Variants in RBFOX1 observed in about 807,000 individuals in gnomAD.
RBFOX1 encodes RNA binding fox-1 homolog 1, also known as RNA binding protein fox-1 homolog 1.
RBFOX1 carries 8 observed loss-of-function variants against 57.7 expected under a neutral mutation model. That is an observed-to-expected ratio of 0.14 (90% CI 0.08 to 0.25). The LOEUF (loss-of-function observed/expected upper bound fraction) is 0.25, where lower values mean the gene tolerates loss of function less well. Ranked by LOEUF, RBFOX1 falls within the 10% of genes least tolerant of loss-of-function variation. The probability of loss-of-function intolerance (pLI) is 1.00; values close to 1 mark genes in which losing one functional copy is unlikely to be tolerated. For synonymous variants in RBFOX1, 326 were observed against 222.4 expected, an observed-to-expected ratio of 1.47 and a Z score of -4.15; for missense variants, 611 against 548.5, an observed-to-expected ratio of 1.11 and a Z score of -1.14.
chr16:5,313,881 T>G (rs911108451), intron 1 of RBFOX1, among the ~76,000 whole-genome samples: 1 of 146,258 alleles, frequency 6.8e-6, no homozygotes, highest in Non-Finnish European at 1.5e-5. Flanking sequence ...GACTTATGGG[T>G]GGGCTTTGGA....
chr16:7,174,817 G>A (rs1381421782), intron 4 of RBFOX1, among the ~76,000 whole-genome samples: 1 of 152,094 alleles, frequency 6.6e-6, no homozygotes, highest in Non-Finnish European at 1.5e-5. Context: ...AACCATTAAA[G>A]TATTTTTCCA....
intron 1 of RBFOX1, among the ~76,000 whole-genome samples, chr16:6,065,582 A>C (rs1384790810): frequency 6.6e-6 from 1 of 152,160 alleles, no homozygotes; most frequent in Non-Finnish European, 1.5e-5. Flanking sequence ...GGGGTTTCTT[A>C]GCAGATACAG....
At chr16:5,567,087 C>T (rs557167263) in intron 2 of RBFOX1, among the ~76,000 whole-genome samples, 1 of 152,254 alleles carries the variant, frequency 6.6e-6, no homozygotes, top group South Asian at 2.1e-4. Flanking sequence ...GGAAATGCCA[C>T]ACAAAGACCC....
In RBFOX1 at chr16:7,517,139, G is replaced by A. The variant is rs186655821; in HGVS notation, c.28-1008G>A. Among the ~76,000 whole-genome samples the A allele has an allele frequency of 0.019, 17 of 890 alleles. No individual in the cohort carries two copies. The East Asian group carries it at 0.21, about 11-fold the overall frequency. The allele number at this position is 890 out of a possible 152,430, so 0.6% of individuals were successfully genotyped here. A position where few individuals can be genotyped will look rare whatever the true frequency, so the allele number is the denominator to read the frequency against. On this transcript the variant is annotated intron_variant, in intron 4 of 15. Coordinates refer to ENST00000550418, the MANE Select transcript of RBFOX1 (RefSeq NM_018723.4). ...CCTTTGGGTTACAATTTCTTATGCC[G>A]TGTGTGTGTGTGTGTGTGTGTGTGT...
chr16:6,364,329 C>T (rs2089181970), intron 2 of RBFOX1, among the ~76,000 whole-genome samples: 1 of 152,210 alleles, frequency 6.6e-6, no homozygotes, highest in African/African-American at 2.4e-5. Context: ...CATTTTCCCT[C>T]TCTTCTTCCC....
intron 4 of RBFOX1, chr16:7,328,701 T>C (rs1338038189): frequency 6.6e-6 from 1 of 151,644 alleles, no homozygotes; most frequent in Non-Finnish European, 1.5e-5. Flanking sequence ...GCAAAATCCT[T>C]GATGGAAATC....
intron 1 of RBFOX1, among the ~76,000 whole-genome samples, chr16:6,182,893 G>T (rs575862089): frequency 1.3e-5 from 2 of 152,244 alleles, no homozygotes; most frequent in East Asian, 3.9e-4. Context: ...ACCTGTTAAT[G>T]TACTTTTATC....
At chr16:6,673,255 C>G (rs1366941748) in intron 3 of RBFOX1, among the ~76,000 whole-genome samples, 1 of 152,100 alleles carries the variant, frequency 6.6e-6, no homozygotes, top group Non-Finnish European at 1.5e-5. Flanking sequence ...CCAAAGGTCC[C>G]TCATATCCCT....
intron 2 of RBFOX1, among the ~76,000 whole-genome samples, chr16:6,388,073 G>T (rs563616439): frequency 7.0e-6 from 1 of 143,460 alleles, no homozygotes; most frequent in Non-Finnish European, 1.5e-5. Flanking sequence ...TCTGCCTCTC[G>T]GGTTCAAGCG....
rs563601328 is a variant in RBFOX1 at position 6,705,264 on chromosome 16, A to G, written c.-16+50614A>G. On this transcript the variant is annotated intron_variant, in intron 3 of 15. Transcript: ENST00000550418. ...ACTGCAACTCCAGTGAGGTTACTCAAAACATACTGGGCAAAGGTTTCTCAC... is the reference window on the plus strand; with the variant it reads ...ACTGCAACTCCAGTGAGGTTACTCAGAACATACTGGGCAAAGGTTTCTCAC... 3.3e-5 allele frequency: 5 copies of G among 152,330 alleles called. No individual in the cohort carries two copies. In the South Asian group the frequency reaches 1.0e-3, roughly 32 times the overall value. The allele number at this position is 152,330 out of a possible 1,614,324, so 9.4% of individuals were successfully genotyped here.
At chr16:6,751,925 C>T (rs1237161184) in intron 3 of RBFOX1, among the ~76,000 whole-genome samples, 1 of 152,094 alleles carries the variant, frequency 6.6e-6, no homozygotes, top group Non-Finnish European at 1.5e-5. Flanking sequence ...CAGCGTGAGT[C>T]CAGGCTTTAA....
intron 9 of RBFOX1, among the ~76,000 whole-genome samples, chr16:7,601,783 C>A (rs1249438312): frequency 6.6e-6 from 1 of 152,156 alleles, no homozygotes; most frequent in East Asian, 1.9e-4. Context: ...GTGAGGCATT[C>A]TCAACTTAAA....
chr16:5,541,624 T>C (rs941377712), intron 2 of RBFOX1, among the ~76,000 whole-genome samples: 84 of 152,256 alleles, frequency 5.5e-4, no homozygotes, highest in African/African-American at 1.8e-3. Context: ...AGAGTTTGAA[T>C]AGAATGGGAG....
At chr16:7,007,626 A>C (rs1053329587) in intron 3 of RBFOX1, among the ~76,000 whole-genome samples, 1 of 152,178 alleles carries the variant, frequency 6.6e-6, no homozygotes, top group African/African-American at 2.4e-5. Flanking sequence ...CATTCTTTCA[A>C]TGTAAATGTA....
intron 1 of RBFOX1, among the ~76,000 whole-genome samples, chr16:5,363,530 C>G (rs1397691495): frequency 2.0e-5 from 3 of 152,204 alleles, no homozygotes; most frequent in Admixed American, 2.0e-4. Flanking sequence ...GCAGGCTCTT[C>G]TCTCTGCAAC....
At chr16:7,634,786 T>G (rs576450219) in intron 11 of RBFOX1, among the ~76,000 whole-genome samples, 39 of 152,322 alleles carry the variant, frequency 2.6e-4, no homozygotes, top group Middle Eastern at 3.4e-3. Flanking sequence ...TCATCATGCA[T>G]CCTCTTACAC....
intron 4 of RBFOX1, among the ~76,000 whole-genome samples, chr16:7,483,360 T>C (rs1190042056): frequency 6.6e-6 from 1 of 152,220 alleles, no homozygotes; most frequent in East Asian, 1.9e-4. Context: ...AACCTGTGAA[T>C]TGGGGCAAGT....
At chr16:5,989,728 T>C (rs1169953035) in intron 4 of RBFOX1, among the ~76,000 whole-genome samples, 1 of 151,988 alleles carries the variant, frequency 6.6e-6, no homozygotes, top group Non-Finnish European at 1.5e-5. Flanking sequence ...TTTGTCTCGC[T>C]TCTGGGCTCT....
chr16:5,870,993 G>T lies in RBFOX1; in HGVS notation c.351+3658G>T, dbSNP rs569533799. Among the ~76,000 whole-genome samples the T allele has an allele frequency of 2.0e-5, 3 of 152,276 alleles. No individual in the cohort carries two copies. In the South Asian group the frequency reaches 6.2e-4, roughly 32 times the overall value. Reference sequence around the variant, plus strand: ...ACCCACAGAATCAGTGAGAATGAGTGGCTTTGCCAGTTCCCTTTCTCTCTG... The same window carrying T: ...ACCCACAGAATCAGTGAGAATGAGTTGCTTTGCCAGTTCCCTTTCTCTCTG... On this transcript the variant is annotated intron_variant, in intron 4 of 19. Transcript: ENST00000641259.
Sources: allele counts gnomAD v4.1 joint callset (sites outside exome capture counted in the v4.1 genomes callset), GRCh38; gene constraint gnomAD v4.1.1; transcripts MANE v1.5; gene names NCBI Gene and HGNC (gene_info 2026-07-23, HGNC 2026-07-21).